The following HPSE2 variants were observed in gnomAD, a reference collection of about 807,000 sequenced individuals.
The protein encoded by HPSE2 is heparanase 2 (inactive).
HPSE2 carries 38 observed loss-of-function variants against 60.5 expected under a neutral mutation model. That is an observed-to-expected ratio of 0.63 (90% CI 0.48 to 0.82). The LOEUF is 0.82. Among genes scored for constraint, HPSE2 ranks in the 40% least tolerant of loss-of-function variants. HPSE2 has a pLI of 0.00. For missense variants in HPSE2, 713 were observed against 740.4 expected, an observed-to-expected ratio of 0.96 and a Z score of 0.43; for synonymous variants, 295 against 293.2, an observed-to-expected ratio of 1.01 and a Z score of -0.06.
Position 98,714,899 on chromosome 10 carries a change from C to T in HPSE2, c.956+6758G>A, listed in dbSNP as rs150324183. The stretch of plus-strand genomic sequence containing the variant: ...TTTTAGTGGATGTGAGGTGGTATCT[C>T]GCTGTGGTTTTGATTAGCATTTCCC... On this transcript the variant is annotated intron_variant, in intron 5 of 11. Transcript: ENST00000370552. Among the ~76,000 whole-genome samples the T allele has an allele frequency of 4.3e-3, 658 of 151,810 alleles. 1 individual carries two copies. The highest frequency in any genetic ancestry group is 0.01 in the Middle Eastern group (3 of 294).
intron 5 of HPSE2, among the ~76,000 whole-genome samples, chr10:98,717,012 G>A (rs1001829552): frequency 7.2e-5 from 11 of 151,970 alleles, no homozygotes; most frequent in East Asian, 1.9e-4. Context: ...ATTGAAAATC[G>A]GTTGTTTAGT....
At chr10:98,642,209 G>A (rs1476724463) in intron 6 of HPSE2, among the ~76,000 whole-genome samples, 2 of 152,006 alleles carry the variant, frequency 1.3e-5, no homozygotes, top group African/African-American at 4.8e-5. Context: ...TGGAATTGAT[G>A]GAAATTCCAT....
At chr10:98,967,882 A>T (rs201590895) in intron 3 of HPSE2, among the ~76,000 whole-genome samples, 1 of 143,860 alleles carries the variant, frequency 7.0e-6, no homozygotes, top group African/African-American at 2.5e-5. Context: ...GCAAAAGGAG[A>T]GGGAATATCT....
intron 3 of HPSE2, among the ~76,000 whole-genome samples, chr10:99,075,050 C>T (rs1646941818): frequency 6.6e-6 from 1 of 152,042 alleles, no homozygotes; most frequent in African/African-American, 2.4e-5. Flanking sequence ...TACTTCTGCT[C>T]TAATCTTTAT....
At chr10:98,531,251 A>C (rs1179050945) in intron 9 of HPSE2, among the ~76,000 whole-genome samples, 1 of 143,964 alleles carries the variant, frequency 6.9e-6, no homozygotes, top group Admixed American at 7.3e-5. Flanking sequence ...AAAGACTTCA[A>C]TAAGAGGGTG....
chr10:98,967,326 A>G (rs763198179), intron 3 of HPSE2, among the ~76,000 whole-genome samples: 3 of 152,196 alleles, frequency 2.0e-5, no homozygotes, highest in African/African-American at 4.8e-5. Flanking sequence ...CAGAGAAAAC[A>G]AAGTCATATT....
intron 3 of HPSE2, among the ~76,000 whole-genome samples, chr10:99,085,216 T>C (rs1024722869): frequency 6.6e-6 from 1 of 152,200 alleles, no homozygotes; most frequent in Non-Finnish European, 1.5e-5. Flanking sequence ...CTGCTCAGTA[T>C]TGAATCATGG....
At chr10:99,000,966 A>G (rs1956764871) in intron 3 of HPSE2, among the ~76,000 whole-genome samples, 1 of 152,084 alleles carries the variant, frequency 6.6e-6, no homozygotes. Context: ...CACCAAAGAA[A>G]GCATATGAGT....
At chr10:98,593,869 A>G (rs1375329213) in intron 9 of HPSE2, among the ~76,000 whole-genome samples, 1 of 152,204 alleles carries the variant, frequency 6.6e-6, no homozygotes, top group East Asian at 1.9e-4. Context: ...GGGTAACACA[A>G]AAAATAAAAA....
At chr10:99,303,364 T>A in the HPSE2 span, among the ~76,000 whole-genome samples, 5 of 151,954 alleles carry the variant, frequency 3.3e-5, no homozygotes, top group African/African-American at 1.2e-4. Context: ...AAGAGACACA[T>A]AGAATGAGCA....
intron 3 of HPSE2, among the ~76,000 whole-genome samples, chr10:98,748,088 C>G (rs1043188752): frequency 6.6e-6 from 1 of 152,226 alleles, no homozygotes; most frequent in Non-Finnish European, 1.5e-5. Context: ...CATCTGAAGT[C>G]AGGAGTTCGA....
chr10:98,731,109 AC>A (rs1263682355), intron 4 of HPSE2, among the ~76,000 whole-genome samples: 1 of 151,926 alleles, frequency 6.6e-6, no homozygotes, highest in Non-Finnish European at 1.5e-5. Context: ...ACATGGTGAA[AC>A]CCCGTCTCTA....
intron 3 of HPSE2, among the ~76,000 whole-genome samples, chr10:99,034,559 G>A (rs1444953059): frequency 6.6e-6 from 1 of 152,040 alleles, no homozygotes; most frequent in Non-Finnish European, 1.5e-5. Context: ...GATTCTACCT[G>A]TATTACATGA....
chr10:98,820,322 C>T (rs1000164130), intron 3 of HPSE2, among the ~76,000 whole-genome samples: 8 of 152,062 alleles, frequency 5.3e-5, no homozygotes, highest in Admixed American at 1.3e-4. Flanking sequence ...CAGGGAAAGA[C>T]TATAATTTAC....
In HPSE2 at chr10:98,495,632, C is replaced by G. The variant is rs190239190; in HGVS notation, c.1321-5436G>C. On this transcript the variant is annotated intron_variant, in intron 9 of 11. Coordinates refer to ENST00000370552, the MANE Select transcript of HPSE2 (RefSeq NM_021828.5). ...CACTGTCTTTGAATTTGCTGATTCT[C>G]TCTTCTGACTGCTCCAATTTGCCTT... Among the ~76,000 whole-genome samples, 142 of 152,132 alleles carry G rather than the reference C, an allele frequency of 9.3e-4. 1 individual carries two copies. The highest frequency in any genetic ancestry group is 1.7e-3 in the Non-Finnish European group (113 of 67,996).
intron 2 of HPSE2, among the ~76,000 whole-genome samples, chr10:99,216,406 G>T (rs1285691833): frequency 6.6e-6 from 1 of 152,048 alleles, no homozygotes; most frequent in Non-Finnish European, 1.5e-5. Flanking sequence ...TATTGGCCAG[G>T]CTTGTCTCGA....
intron 3 of HPSE2, among the ~76,000 whole-genome samples, chr10:98,965,167 A>T (rs1955782617): frequency 6.6e-6 from 1 of 152,164 alleles, no homozygotes; most frequent in Admixed American, 6.5e-5. Flanking sequence ...TCTCTGATCA[A>T]AATAATCTTT....
At chr10:98,577,337 T>C (rs557752724) in intron 9 of HPSE2, among the ~76,000 whole-genome samples, 1 of 152,282 alleles carries the variant, frequency 6.6e-6, no homozygotes. Flanking sequence ...AACATCAGAT[T>C]GCACAAATTT....
At chr10:98,547,947 A>G (rs1943743515) in intron 9 of HPSE2, among the ~76,000 whole-genome samples, 1 of 152,158 alleles carries the variant, frequency 6.6e-6, no homozygotes, top group African/African-American at 2.4e-5. Context: ...CAAGAAGTTG[A>G]GCAAGAGGTC....
Sources: gnomAD v4.1 joint callset for allele counts (sites outside exome capture counted in the v4.1 genomes callset) on GRCh38, gnomAD v4.1.1 for gene constraint, MANE v1.5 for transcripts, NCBI Gene and HGNC (gene_info 2026-07-23, HGNC 2026-07-21) for gene names.